PDE4D: variants seen among roughly 807,000 people sequenced by gnomAD.
The protein encoded by PDE4D is phosphodiesterase 4D, also known as 3',5'-cyclic-AMP phosphodiesterase 4D.
Under a neutral mutation model 87.4 loss-of-function variants are expected in PDE4D, and 24 were observed. The ratio of observed to expected loss-of-function variants is 0.27; its 90% CI spans 0.20 to 0.39. The LOEUF (loss-of-function observed/expected upper bound fraction) is 0.39. Ranked by LOEUF, PDE4D falls within the 10% of genes least tolerant of loss-of-function variation. The pLI is 1.00. For synonymous variants in PDE4D, 384 were observed against 383.2 expected (o/e 1.00, Z -0.02); for missense variants, 714 against 1,041.0 (o/e 0.69, Z 4.32).
At chr5:60,041,186 C>T (rs1202690112) in intron 2 of PDE4D, among the ~76,000 whole-genome samples, 1 of 152,124 alleles carries the variant, frequency 6.6e-6, no homozygotes, top group African/African-American at 2.4e-5. Context: ...ATAGTATATT[C>T]ATCTCATTGT....
chr5:59,220,442 A>G (rs1186911244), intron 1 of PDE4D, among the ~76,000 whole-genome samples: 1 of 151,536 alleles, frequency 6.6e-6, no homozygotes, highest in Non-Finnish European at 1.5e-5. Context: ...AAGGAGAAAA[A>G]TAAATGTTTT....
intron 1 of PDE4D, among the ~76,000 whole-genome samples, chr5:59,572,175 G>T (rs778273345): frequency 6.6e-6 from 1 of 152,102 alleles, no homozygotes; most frequent in Non-Finnish European, 1.5e-5. Context: ...AAAAATTCAA[G>T]TCTCCTTAAG....
intron 3 of PDE4D, among the ~76,000 whole-genome samples, chr5:59,974,324 A>T (rs1427604091): frequency 6.6e-6 from 1 of 152,200 alleles, no homozygotes; most frequent in Non-Finnish European, 1.5e-5. Context: ...AATACCTAAG[A>T]TGTTATTATT....
chr5:60,321,920 T>G (rs1200918793), intron 1 of PDE4D, among the ~76,000 whole-genome samples: 1 of 151,576 alleles, frequency 6.6e-6, no homozygotes, highest in Non-Finnish European at 1.5e-5. Flanking sequence ...GCTGGCAAGG[T>G]TGCAGATAAA....
chr5:59,642,718 T>G (rs1358065413), intron 1 of PDE4D, among the ~76,000 whole-genome samples: 1 of 152,158 alleles, frequency 6.6e-6, no homozygotes, highest in Non-Finnish European at 1.5e-5. Context: ...ATCAGCAGCA[T>G]GAAAACAGAC....
chr5:60,464,693 T>C (rs141232276), intron 1 of PDE4D, among the ~76,000 whole-genome samples: 15 of 152,264 alleles, frequency 9.9e-5, no homozygotes, highest in African/African-American at 3.4e-4. Flanking sequence ...CATAGCGTGA[T>C]AGTGGTGCCT....
rs1266408182 is a variant in PDE4D at position 59,574,005 on chromosome 5, A to AAAAT, written c.455+319162_455+319163insATTT. Among the ~76,000 whole-genome samples, 984 of 119,664 alleles carry AAAAT rather than the reference A, an allele frequency of 8.2e-3. 73 individuals are homozygous for AAAAT. The highest frequency in any genetic ancestry group is 0.031 in the African/African-American group (892 of 28,494). 78.5% of individuals were successfully genotyped at this position (119,664 alleles called of 152,430 possible). On this transcript the variant is annotated intron_variant, in intron 1 of 14. Coordinates refer to ENST00000340635, the MANE Select transcript of PDE4D (RefSeq NM_001104631.2). Reference sequence around the variant, plus strand: ...AAAGGGAGACTCTGTCTCAAAAAAAAATATATATATATATATATATATAAA... The same window carrying AAAAT: ...AAAGGGAGACTCTGTCTCAAAAAAAAAAATATATATATATATATATATATATAAA...
At position 60,138,071 on chromosome 5, in the gene PDE4D, G is replaced by A. The variant is rs981767405; in HGVS notation, c.42+47486C>T. On this transcript the variant is annotated intron_variant, in intron 2 of 16. Coordinates refer to the PDE4D transcript ENST00000502484. ...TTTCCCCATTGCTTGTTTTTATCAG[G>A]TTTGTCAAAGAACAGATGGTTGTGG... Among the ~76,000 whole-genome samples the A allele has an allele frequency of 3.9e-5, 6 of 151,966 alleles. No homozygotes were observed. The East Asian group carries it at 9.6e-4, about 24-fold the overall frequency.
chr5:59,556,510 A>G (rs988336619), intron 1 of PDE4D, among the ~76,000 whole-genome samples: 3 of 152,122 alleles, frequency 2.0e-5, no homozygotes, highest in African/African-American at 7.2e-5. Flanking sequence ...AAAGACATTG[A>G]CTATTACAGC....
intron 1 of PDE4D, among the ~76,000 whole-genome samples, chr5:60,377,366 A>G (rs1288943849): frequency 6.6e-6 from 1 of 152,214 alleles, no homozygotes; most frequent in Non-Finnish European, 1.5e-5. Context: ...TGGGGTAACA[A>G]TCCTCTTTAT....
chr5:59,741,939 C>T (rs1253944728), intron 1 of PDE4D, among the ~76,000 whole-genome samples: 1 of 152,132 alleles, frequency 6.6e-6, no homozygotes. Context: ...GAGTCTGGCC[C>T]TACCTTCTCT....
chr5:59,053,687 C>T (rs1338976928), intron 5 of PDE4D, among the ~76,000 whole-genome samples: 7 of 119,410 alleles, frequency 5.9e-5, no homozygotes, highest in Admixed American at 1.1e-4. Flanking sequence ...CAGGCACGGT[C>T]GCTCATGCCT....
intron 2 of PDE4D, among the ~76,000 whole-genome samples, chr5:60,088,296 A>AAAAAAC (rs1317441771): frequency 6.6e-6 from 1 of 151,890 alleles, no homozygotes; most frequent in African/African-American, 2.4e-5. Context: ...GCTAATGTGT[A>AAAAAAC]AAAAACAAAA....
intron 1 of PDE4D, among the ~76,000 whole-genome samples, chr5:59,376,652 ACT>A (rs764972612): frequency 6.6e-6 from 1 of 152,164 alleles, no homozygotes; most frequent in African/African-American, 2.4e-5. Flanking sequence ...ATAAATTACC[ACT>A]GAGATTCTTC....
chr5:60,088,625 T>C (rs1346239605), intron 2 of PDE4D, among the ~76,000 whole-genome samples: 1 of 151,908 alleles, frequency 6.6e-6, no homozygotes, highest in Non-Finnish European at 1.5e-5. Context: ...TTTATAAGCC[T>C]TGTAGTAACA....
At chr5:59,095,879 A>C (rs1769607714) in intron 5 of PDE4D, among the ~76,000 whole-genome samples, 1 of 152,232 alleles carries the variant, frequency 6.6e-6, no homozygotes, top group Non-Finnish European at 1.5e-5. Context: ...TAAGCTGCTA[A>C]ATAGGCTATC....
intron 1 of PDE4D, among the ~76,000 whole-genome samples, chr5:59,288,681 T>C (rs1027241906): frequency 3.0e-4 from 46 of 151,524 alleles, no homozygotes; most frequent in African/African-American, 1.1e-3. Flanking sequence ...AGGTCAAAGA[T>C]AAGAAAGAAT....
At chr5:59,459,747 C>G (rs77355655) in intron 1 of PDE4D, among the ~76,000 whole-genome samples, 5 of 152,122 alleles carry the variant, frequency 3.3e-5, no homozygotes, top group Non-Finnish European at 7.3e-5. Context: ...CTTTTAGTTA[C>G]GGAAGGAAGC....
At chr5:59,558,521 G>C (rs1221889336) in intron 1 of PDE4D, 1 of 152,162 alleles carries the variant, frequency 6.6e-6, no homozygotes, top group East Asian at 1.9e-4. Flanking sequence ...GCATGCAGAT[G>C]ACTGGGAATT....
Sources: gnomAD v4.1 joint callset for allele counts (sites outside exome capture counted in the v4.1 genomes callset) on GRCh38, gnomAD v4.1.1 for gene constraint, MANE v1.5 for transcripts, NCBI Gene and HGNC (gene_info 2026-07-23, HGNC 2026-07-21) for gene names.